C12orf42: variants seen among roughly 807,000 people sequenced by gnomAD.
C12orf42 encodes the protein uncharacterized protein C12orf42.
A neutral mutation model predicts 21.6 loss-of-function variants in C12orf42; 25 were observed. The ratio of observed to expected loss-of-function variants is 1.16; its 90% confidence interval spans 0.84 to 1.62. The LOEUF is 1.62. C12orf42 is among the 40% of genes most tolerant of loss of function. The pLI is 0.00. For synonymous variants in C12orf42, 174 were observed against 175.0 expected, an observed-to-expected ratio of 0.99 and a Z score of 0.05; for missense variants, 483 against 459.3, an observed-to-expected ratio of 1.05 and a Z score of -0.47.
At chr12:103,149,571 T>C in the C12orf42 span, among the ~76,000 whole-genome samples, 1 of 137,352 alleles carries the variant, frequency 7.3e-6, no homozygotes, top group East Asian at 2.4e-4. Context: ...GATTGGATTA[T>C]GGGGGCGGTT....
chr12:103,535,118 T>A, the C12orf42 span, among the ~76,000 whole-genome samples: 4 of 152,164 alleles, frequency 2.6e-5, no homozygotes, highest in Non-Finnish European at 5.9e-5. Flanking sequence ...TCTGCCAGAA[T>A]GTGAGAGACT....
intron 1 of C12orf42, among the ~76,000 whole-genome samples, chr12:103,489,244 T>C (rs976383050): frequency 6.6e-6 from 1 of 152,222 alleles, no homozygotes; most frequent in Middle Eastern, 3.2e-3. Context: ...GGAGGTCCAC[T>C]CCAGACCCTG....
At chr12:103,507,188 T>A in the C12orf42 span, among the ~76,000 whole-genome samples, 1 of 25,152 alleles carries the variant, frequency 4.0e-5, no homozygotes, top group Non-Finnish European at 5.1e-5. Flanking sequence ...TTATATATAA[T>A]ATATATATAT....
chr12:103,085,090 A>G, the C12orf42 span, among the ~76,000 whole-genome samples: 1 of 152,184 alleles, frequency 6.6e-6, no homozygotes, highest in South Asian at 2.1e-4. Context: ...ATTTCCAAAG[A>G]TAAATAATCT....
intron 1 of C12orf42, among the ~76,000 whole-genome samples, chr12:103,478,832 T>C (rs1954263547): frequency 6.6e-6 from 1 of 152,108 alleles, no homozygotes; most frequent in South Asian, 2.1e-4. Context: ...TTCTAATCAT[T>C]TCCAAAGTAT....
At chr12:103,538,882 T>A in the C12orf42 span, among the ~76,000 whole-genome samples, 1 of 152,130 alleles carries the variant, frequency 6.6e-6, no homozygotes, top group Non-Finnish European at 1.5e-5. Context: ...AGCAGGGCAT[T>A]TTATGGAATG....
At chr12:103,431,489 C>T (rs1331868540) in intron 2 of C12orf42, among the ~76,000 whole-genome samples, 1 of 152,180 alleles carries the variant, frequency 6.6e-6, no homozygotes, top group African/African-American at 2.4e-5. Flanking sequence ...GCATCCTGCA[C>T]TTACTTGTTA....
chr12:103,205,147 G>C, the C12orf42 span, among the ~76,000 whole-genome samples: 1 of 152,200 alleles, frequency 6.6e-6, no homozygotes, highest in African/African-American at 2.4e-5. Flanking sequence ...TGATGAGGCT[G>C]TGGAACAATG....
At chr12:103,319,843 A>G (rs754674578) in intron 4 of C12orf42, among the ~76,000 whole-genome samples, 9 of 152,206 alleles carry the variant, frequency 5.9e-5, no homozygotes, top group Non-Finnish European at 1.0e-4. Flanking sequence ...CACTTTGACC[A>G]TACATCTTCC....
intron 10 of C12orf42, among the ~76,000 whole-genome samples, chr12:103,247,167 A>G (rs1225970515): frequency 6.6e-6 from 1 of 151,934 alleles, no homozygotes; most frequent in Admixed American, 6.6e-5. Flanking sequence ...ATTTTTTCAA[A>G]AAAAAACCAT....
chr12:103,121,333 T>C, the C12orf42 span, among the ~76,000 whole-genome samples: 2 of 152,194 alleles, frequency 1.3e-5, no homozygotes, highest in Non-Finnish European at 2.9e-5. Context: ...AGAGAAGAGC[T>C]GAGGCATTGA....
At chr12:103,365,722 T>A (rs1303194993) in intron 4 of C12orf42, among the ~76,000 whole-genome samples, 1 of 151,936 alleles carries the variant, frequency 6.6e-6, no homozygotes, top group African/African-American at 2.4e-5. Flanking sequence ...CAACCCTTTT[T>A]ACAGTAGTTG....
At chr12:103,467,429 G>A (rs1000237661) in intron 2 of C12orf42, among the ~76,000 whole-genome samples, 1 of 152,160 alleles carries the variant, frequency 6.6e-6, no homozygotes, top group Non-Finnish European at 1.5e-5. Context: ...TTCACACAGT[G>A]CACTTTGGAA....
chr12:103,181,532 A>G, the C12orf42 span, among the ~76,000 whole-genome samples: 1 of 152,234 alleles, frequency 6.6e-6, no homozygotes, highest in Non-Finnish European at 1.5e-5. Flanking sequence ...TAACATGGCT[A>G]CATTTGTTTC....
intron 4 of C12orf42, among the ~76,000 whole-genome samples, chr12:103,322,110 C>T (rs1009581863): frequency 6.9e-6 from 1 of 144,844 alleles, no homozygotes; most frequent in Non-Finnish European, 1.5e-5. Context: ...CACGCGCGTG[C>T]GTGCGCGCGC....
the C12orf42 span, among the ~76,000 whole-genome samples, chr12:103,084,846 T>C: frequency 6.6e-6 from 1 of 152,174 alleles, no homozygotes; most frequent in African/African-American, 2.4e-5. Flanking sequence ...ATATATTCTA[T>C]TGGCTAAAAT....
At chr12:103,229,439 G>A in the C12orf42 span, among the ~76,000 whole-genome samples, 2 of 152,072 alleles carry the variant, frequency 1.3e-5, no homozygotes, top group African/African-American at 2.4e-5. Context: ...GGAAGGTGAG[G>A]GAAGAGAGAG....
chr12:103,517,509 G>C, the C12orf42 span, among the ~76,000 whole-genome samples: 2 of 152,198 alleles, frequency 1.3e-5, no homozygotes. Context: ...TTCAAAGAGT[G>C]GCAGGAGCCA....
the C12orf42 span, among the ~76,000 whole-genome samples, chr12:103,505,221 G>A: frequency 1.3e-5 from 2 of 152,190 alleles, no homozygotes; most frequent in Admixed American, 6.5e-5. Context: ...GAGAAGGAGT[G>A]TGACATTGAA....
Sources: allele counts gnomAD v4.1 joint callset (sites outside exome capture counted in the v4.1 genomes callset), GRCh38; gene constraint gnomAD v4.1.1; transcripts MANE v1.5; gene names NCBI Gene and HGNC (gene_info 2026-07-23, HGNC 2026-07-21).